Variants in SCFD2 observed in about 807,000 individuals in gnomAD.
SCFD2 encodes the protein sec1 family domain containing 2, also known as sec1 family domain-containing protein 2.
A neutral mutation model predicts 58.9 loss-of-function variants in SCFD2; 54 were observed. The ratio of observed to expected loss-of-function variants is 0.92; its 90% CI spans 0.74 to 1.15. SCFD2 has a LOEUF of 1.15. SCFD2 is among the 50% of genes most tolerant of loss of function. The pLI is 0.00. For missense variants in SCFD2, 805 were observed against 836.6 expected (o/e 0.96, Z 0.47); for synonymous variants, 321 against 335.9 (o/e 0.96, Z 0.49).
At chr4:53,057,906 G>C (rs559635633) in intron 5 of SCFD2, among the ~76,000 whole-genome samples, 8 of 152,210 alleles carry the variant, frequency 5.3e-5, no homozygotes, top group South Asian at 4.1e-4. Flanking sequence ...GCAGTGCAGA[G>C]ATCAGCAGGA....
chr4:53,110,036 C>G (rs1388027167), intron 5 of SCFD2, among the ~76,000 whole-genome samples: 1 of 70,026 alleles, frequency 1.4e-5, no homozygotes, highest in Non-Finnish European at 3.6e-5. Flanking sequence ...GATATACAGA[C>G]CAATGGAACA....
chr4:53,249,227 A>C (rs1469333567), intron 4 of SCFD2, among the ~76,000 whole-genome samples: 1 of 152,174 alleles, frequency 6.6e-6, no homozygotes, highest in Non-Finnish European at 1.5e-5. Context: ...TGAAATGAAT[A>C]AAATGAAGTG....
At chr4:53,300,275 C>CA (rs1560436099) in intron 3 of SCFD2, among the ~76,000 whole-genome samples, 1 of 149,182 alleles carries the variant, frequency 6.7e-6, no homozygotes, top group Non-Finnish European at 1.5e-5. Context: ...AAATGGAAAA[C>CA]AAAAAAAGGC....
At chr4:53,053,501 A>C (rs1245633219) in intron 5 of SCFD2, among the ~76,000 whole-genome samples, 2 of 152,142 alleles carry the variant, frequency 1.3e-5, no homozygotes, top group African/African-American at 4.8e-5. Flanking sequence ...ATAAGGTCTA[A>C]ATTCTCAGCA....
chr4:53,122,338 C>T (rs1396714237), intron 5 of SCFD2, among the ~76,000 whole-genome samples: 1 of 151,874 alleles, frequency 6.6e-6, no homozygotes, highest in African/African-American at 2.4e-5. Context: ...GATTGTGCCA[C>T]TGCACTTCAG....
chr4:53,313,781 A>G lies in SCFD2; in HGVS notation c.1008-18T>C, dbSNP rs1426035752. On this transcript the variant is annotated intron_variant, in intron 2 of 8. Coordinates refer to ENST00000401642, the MANE Select transcript of SCFD2 (RefSeq NM_152540.4). ...TGGTGTCACTGCAGGAAAATCACAA[A>G]AAGAGCTTTAGAATAAATTTCTACT... 4.3e-6 allele frequency: 7 copies of G among 1,613,536 alleles called. No individual in the cohort carries two copies. The highest frequency in any genetic ancestry group is 1.7e-4 in the Middle Eastern group (1 of 6,060).
chr4:53,088,459 A>G (rs1259441828), intron 5 of SCFD2, among the ~76,000 whole-genome samples: 1 of 152,252 alleles, frequency 6.6e-6, no homozygotes, highest in Non-Finnish European at 1.5e-5. Context: ...AGGAGCATCA[A>G]GCCAAAAAAG....
chr4:53,281,165 T>C (rs1277664347), intron 3 of SCFD2, among the ~76,000 whole-genome samples: 1 of 152,248 alleles, frequency 6.6e-6, no homozygotes, highest in Non-Finnish European at 1.5e-5. Context: ...AACAAGCTAC[T>C]GTAAACTCTT....
At chr4:53,167,779 A>G (rs921167468) in intron 4 of SCFD2, among the ~76,000 whole-genome samples, 9 of 152,180 alleles carry the variant, frequency 5.9e-5, no homozygotes, top group Admixed American at 5.9e-4. Context: ...TTCTTCATAT[A>G]AGACTAATCT....
intron 5 of SCFD2, among the ~76,000 whole-genome samples, chr4:53,104,633 T>A (rs1724934180): frequency 6.6e-6 from 1 of 152,194 alleles, no homozygotes; most frequent in Admixed American, 6.5e-5. Flanking sequence ...TAAGAAAAAC[T>A]GGATACAGGT....
chr4:53,360,804 G>A (rs537933093), intron 1 of SCFD2, among the ~76,000 whole-genome samples: 34 of 152,252 alleles, frequency 2.2e-4, no homozygotes. Flanking sequence ...GTAACTTTTG[G>A]GGGTTCAATC....
chr4:53,309,435 T>C (rs904641147), intron 3 of SCFD2, among the ~76,000 whole-genome samples: 1 of 152,192 alleles, frequency 6.6e-6, no homozygotes, highest in African/African-American at 2.4e-5. Flanking sequence ...TGGATCAGAT[T>C]ATCATCTAGA....
chr4:53,053,099 CT>C (rs1321361411), intron 5 of SCFD2, among the ~76,000 whole-genome samples: 1 of 152,124 alleles, frequency 6.6e-6, no homozygotes, highest in East Asian at 1.9e-4. Context: ...ATGGCACACG[CT>C]TGTAATCCCA....
chr4:53,141,682 G>T (rs1360736686), intron 5 of SCFD2, among the ~76,000 whole-genome samples: 15 of 6,154 alleles, frequency 2.4e-3, no homozygotes, highest in Non-Finnish European at 8.8e-3. Flanking sequence ...AGAACTCTTT[G>T]AAAGTCTACA....
At chr4:53,277,563 T>A (rs970176745) in intron 3 of SCFD2, among the ~76,000 whole-genome samples, 1 of 152,098 alleles carries the variant, frequency 6.6e-6, no homozygotes, top group African/African-American at 2.4e-5. Flanking sequence ...ACTGCCTACC[T>A]CTCCAACCCC....
intron 4 of SCFD2, among the ~76,000 whole-genome samples, chr4:53,236,845 TTTATTTA>T (rs1337217618): frequency 3.0e-5 from 3 of 100,480 alleles, no homozygotes; most frequent in Non-Finnish European, 5.1e-5. Context: ...TATTTATTTA[TTTATTTA>T]TTTTTTATTG....
chr4:53,343,965 A>T (rs1221142561), intron 2 of SCFD2, among the ~76,000 whole-genome samples: 1 of 152,086 alleles, frequency 6.6e-6, no homozygotes, highest in Non-Finnish European at 1.5e-5. Context: ...AAAAAGAGCT[A>T]TCTATGACAA....
At chr4:53,160,884 T>G (rs1317608032) in intron 4 of SCFD2, among the ~76,000 whole-genome samples, 1 of 152,180 alleles carries the variant, frequency 6.6e-6, no homozygotes, top group African/African-American at 2.4e-5. Context: ...AATAGTGAAG[T>G]CCTTGAGGAA....
rs1433859363 is a variant in SCFD2 at position 53,009,189 on chromosome 4, G to C, written c.1562-88319C>G. Among the ~76,000 whole-genome samples the C allele has an allele frequency of 5.3e-5, 8 of 152,274 alleles. No individual in the cohort carries two copies. The East Asian group carries it at 1.4e-3, about 26-fold the overall frequency. ...CGTCCAGTATTGATTGGCTCTAGAA[G>C]TAATAAATTTCACAGTGTTGGTAGC... On this transcript the variant is annotated intron_variant, in intron 5 of 8. Coordinates refer to ENST00000401642, the MANE Select transcript of SCFD2 (RefSeq NM_152540.4).
Sources: allele counts gnomAD v4.1 joint callset (sites outside exome capture counted in the v4.1 genomes callset), GRCh38; gene constraint gnomAD v4.1.1; transcripts MANE v1.5; gene names NCBI Gene and HGNC (gene_info 2026-07-23, HGNC 2026-07-21).